Variants in CTNND1 observed in about 807,000 individuals in gnomAD.
CTNND1 encodes catenin delta 1, also known as catenin delta-1.
In CTNND1, 16 loss-of-function variants were observed where a neutral mutation model predicts 112.1. The observed-to-expected ratio is 0.14, with a 90% CI of 0.10 to 0.22. CTNND1 has a LOEUF of 0.22. Among genes scored for constraint, CTNND1 ranks in the 10% least tolerant of loss-of-function variants. CTNND1 has a pLI of 1.00. For synonymous variants in CTNND1, 420 were observed against 446.5 expected (o/e 0.94, Z 0.75); for missense variants, 1,008 against 1,257.0 (o/e 0.80, Z 3.00).
Position 57,802,154 on chromosome 11 carries a change from C to G in CTNND1, c.1378C>G (p.Leu460Val). The G allele has an allele frequency of 6.8e-6, 11 of 1,613,834 alleles. No homozygotes were observed. Among genetic ancestry groups the G allele is most frequent in the Non-Finnish European group, 9.3e-6 (11 of 1,179,808 alleles). Residue 460 changes from leucine (L) to valine (V), a missense_variant, in exon 7 of 21, where the codon CTT becomes GTT. Physicochemically the swap from Leu to Val is conservative, Grantham distance 32. Around this residue, in one of 5 missense-constraint regions of CTNND1, gnomAD observed 216 missense variants for 342.8 expected, o/e 0.63. Coordinates refer to ENST00000399050, the MANE Select transcript of CTNND1 (RefSeq NM_001085458.2). ...TGGTGTGCCTGCCCTTGTGCGATTG[C>G]TTCGAAAGGCTCGTGATATGGACCT... ...CDGVPALVRLLRKARDMDLTE... is the reference protein window; with the variant it reads ...CDGVPALVRLVRKARDMDLTE...
Position 57,814,359 on chromosome 11 carries a change from A to T in CTNND1, c.2687A>T (p.Asn896Ile). ...EEIQMSNMGS[N>I]TKSLDNNYST... ...ATTCAGATGAGCAATATGGGATCAA[A>T]CACAAAATCACTAGGTAGGTGATTA... Residue 896 changes from asparagine (N) to isoleucine (I), a missense_variant, in exon 18 of 21, where the codon AAC becomes ATC. Transcript: ENST00000399050. 6.2e-7 allele frequency: 1 copy of T among 1,610,664 alleles called. No homozygotes were observed. Among genetic ancestry groups the T allele is most frequent in the Non-Finnish European group, 8.5e-7 (1 of 1,178,188 alleles).
chr11:57,787,087 G>A (rs2060219590), intron 1 of CTNND1, among the ~76,000 whole-genome samples: 1 of 152,178 alleles, frequency 6.6e-6, no homozygotes, highest in Non-Finnish European at 1.5e-5. Flanking sequence ...AACTTCCTTA[G>A]GGTTGTTGTA....
intron 1 of CTNND1, among the ~76,000 whole-genome samples, chr11:57,771,613 G>A (rs1952643056): frequency 6.6e-6 from 1 of 152,122 alleles, no homozygotes; most frequent in Admixed American, 6.6e-5. Context: ...AGGACCAATG[G>A]GAATGTATTT....
In CTNND1 at chr11:57,816,700, A is replaced by G. The variant is rs11570228; in HGVS notation, c.*392A>G. On this transcript the variant is annotated 3_prime_UTR_variant, in exon 21 of 21. Coordinates refer to ENST00000399050, the MANE Select transcript of CTNND1 (RefSeq NM_001085458.2). ...AAGAATTGGAAGTTACATGCTGTAT[A>G]TGCAATGTCCAGCAGTCTGATAAAC... The G allele has an allele frequency of 5.6e-3, 1,442 of 258,886 alleles. 26 individuals carry two copies. The highest frequency in any genetic ancestry group is 0.029 in the African/African-American group (1,305 of 44,566). The allele number at this position is 258,886 out of a possible 1,614,324, so 16.0% of individuals were successfully genotyped here.
chr11:57,778,961 G>C (rs1000241782), intron 1 of CTNND1, among the ~76,000 whole-genome samples: 5 of 152,188 alleles, frequency 3.3e-5, no homozygotes, highest in Non-Finnish European at 7.3e-5. Flanking sequence ...GTGGCCTTTT[G>C]CGTTTTAGCA....
At position 57,806,911 on chromosome 11, in the gene CTNND1, G is replaced by C; in HGVS notation, c.1895-4G>C. ...CCTTTTCCCGCCCTTTTTCATTTTTGTAGGGAAAAAACCTATAGAGGATCC... is the reference window on the plus strand; with the variant it reads ...CCTTTTCCCGCCCTTTTTCATTTTTCTAGGGAAAAAACCTATAGAGGATCC... On this transcript the variant is annotated splice_polypyrimidine_tract_variant and splice_region_variant and intron_variant, in intron 11 of 20. Coordinates refer to ENST00000399050, the MANE Select transcript of CTNND1 (RefSeq NM_001085458.2). 4.4e-6 allele frequency: 7 copies of C among 1,590,296 alleles called. No homozygotes were observed. Among genetic ancestry groups the C allele is most frequent in the Non-Finnish European group, 6.0e-6 (7 of 1,168,186 alleles).
intron 1 of CTNND1, among the ~76,000 whole-genome samples, chr11:57,763,128 A>G (rs1040320869): frequency 2.6e-5 from 4 of 152,204 alleles, no homozygotes; most frequent in African/African-American, 9.6e-5. Flanking sequence ...CTTAGAGCTG[A>G]AGGCCCATGA....
intron 19 of CTNND1, 68 bp from the exon 20 acceptor site, chr11:57,815,847 C>A: frequency 7.3e-7 from 1 of 1,367,766 alleles, no homozygotes; most frequent in Non-Finnish European, 1.0e-6. Context: ...TCAGAGTTTC[C>A]CTAGCTCTGG....
At chr11:57,764,914 C>G (rs955693747) in intron 1 of CTNND1, among the ~76,000 whole-genome samples, 1 of 152,180 alleles carries the variant, frequency 6.6e-6, no homozygotes, top group Non-Finnish European at 1.5e-5. Flanking sequence ...TCCCCACTAC[C>G]CTTGTTGGGA....
At chr11:57,776,957 T>C (rs1954402849) in intron 1 of CTNND1, among the ~76,000 whole-genome samples, 1 of 152,214 alleles carries the variant, frequency 6.6e-6, no homozygotes, top group Non-Finnish European at 1.5e-5. Flanking sequence ...TTATCTACTT[T>C]AGTATATCTA....
At chr11:57,810,011 C>T (rs1487163574) in intron 15 of CTNND1, 98 bp from the exon 16 acceptor site, 2 of 813,956 alleles carry the variant, frequency 2.5e-6, no homozygotes, top group Non-Finnish European at 3.6e-6. Context: ...GTGCCCTGCC[C>T]CTGGCATTTA....
intron 6 of CTNND1, among the ~76,000 whole-genome samples, chr11:57,799,522 C>T (rs2061742261): frequency 6.6e-6 from 1 of 152,206 alleles, no homozygotes; most frequent in Non-Finnish European, 1.5e-5. Context: ...CAAACTTAAA[C>T]AGTGAGGCAG....
chr11:57,800,619 T>C (rs749902258), intron 6 of CTNND1, among the ~76,000 whole-genome samples: 2 of 152,242 alleles, frequency 1.3e-5, no homozygotes, highest in Non-Finnish European at 2.9e-5. Flanking sequence ...CTAAATGCTT[T>C]GTCCATCTGA....
At position 57,805,941 on chromosome 11, in the gene CTNND1, C is replaced by A. The variant is rs2062616899; in HGVS notation, c.1782C>A (p.Ile594=). Residue 594 remains isoleucine, a synonymous_variant, in exon 10 of 21, where the codon ATC becomes ATA. Transcript: ENST00000399050. ...TATCATATCAAGTTCACCGGGAGAT[C>A]CCACAGGCAGAGCGTTACCAAGAGG... ...RNLSYQVHRE[I]PQAERYQEAA... 5.6e-6 allele frequency: 9 copies of A among 1,613,480 alleles called. No individual in the cohort carries two copies. Among genetic ancestry groups the A allele is most frequent in the Non-Finnish European group, 7.6e-6 (9 of 1,179,728 alleles).
intron 9 of CTNND1, 126 bp downstream of exon 9, chr11:57,804,906 C>A: frequency 1.5e-6 from 1 of 680,602 alleles, no homozygotes; most frequent in Non-Finnish European, 2.4e-6. Context: ...TGTCCCCTAC[C>A]CCTTATTTTT....
At position 57,814,643 on chromosome 11, in the gene CTNND1, C is replaced by T. The variant is rs555571036; in HGVS notation, c.2701+270C>T. ...TTCAAGTTTGTAGCCCATTATATTC[C>T]TACCCCAGTCTCCTTCTCTGGAGTG... On this transcript the variant is annotated intron_variant, in intron 18 of 20. Transcript: ENST00000399050. Among the ~76,000 whole-genome samples, 5 of 152,230 alleles carry T rather than the reference C, an allele frequency of 3.3e-5. No individual in the cohort carries two copies. In the South Asian group the frequency reaches 1.0e-3, roughly 32 times the overall value.
chr11:57,788,871 G>A lies in CTNND1; in HGVS notation c.-213-166G>A, dbSNP rs1292959899. Among the ~76,000 whole-genome samples the A allele has an allele frequency of 6.6e-6, 1 of 152,202 alleles. No individual in the cohort carries two copies. Among genetic ancestry groups the A allele is most frequent in the African/African-American group, 2.4e-5 (1 of 41,450 alleles). Reference sequence around the variant, plus strand: ...AATGACATCCAAGGCCTAGGTATCTGAACACAACAAGGTCTAAAGGGCACT... The same window carrying A: ...AATGACATCCAAGGCCTAGGTATCTAAACACAACAAGGTCTAAAGGGCACT... On this transcript the variant is annotated intron_variant, in intron 1 of 20. Transcript: ENST00000399050. This position sits in a 1 kb window ranked among gnomAD's most constrained non-coding sequence, Gnocchi z 4.1.
chr11:57,768,814 GC>G (rs1308717881), intron 1 of CTNND1, among the ~76,000 whole-genome samples: 1 of 152,106 alleles, frequency 6.6e-6, no homozygotes, highest in African/African-American at 2.4e-5. Context: ...ATGTGGAAAA[GC>G]CAAGCTGTGG....
intron 11 of CTNND1, 95 bp downstream of exon 11, chr11:57,806,573 A>C (rs1239362786): frequency 8.6e-7 from 1 of 1,160,608 alleles, no homozygotes; most frequent in East Asian, 2.5e-5. Context: ...TTCCCTGTCT[A>C]TGCATGTAGG....
Sources: allele counts gnomAD v4.1 joint callset (sites outside exome capture counted in the v4.1 genomes callset), GRCh38; gene constraint gnomAD v4.1.1; regional missense constraint gnomAD v4.1.1; non-coding constraint Gnocchi (gnomAD v3.1); transcripts MANE v1.5; gene names NCBI Gene and HGNC (gene_info 2026-07-23, HGNC 2026-07-21).